The following NALCN variants were observed in gnomAD, a reference collection of about 807,000 sequenced individuals.
The protein encoded by NALCN is sodium leak channel NALCN.
A neutral mutation model predicts 225.3 loss-of-function variants in NALCN; 111 were observed. The ratio of observed to expected loss-of-function variants is 0.49; its 90% confidence interval spans 0.42 to 0.58. The LOEUF is 0.58. NALCN is among the 20% of genes least tolerant of loss of function. NALCN has a pLI of 0.00. For synonymous variants in NALCN, 764 were observed against 769.0 expected, an observed-to-expected ratio of 0.99 and a Z score of 0.11; for missense variants, 1,378 against 2,202.4, an observed-to-expected ratio of 0.63 and a Z score of 7.49.
chr13:101,371,221 A>G (rs879362272), intron 6 of NALCN, among the ~76,000 whole-genome samples: 1 of 152,190 alleles, frequency 6.6e-6, no homozygotes, highest in Admixed American at 6.5e-5. Context: ...ATTCATGTGT[A>G]AATCTTTCTA....
intron 11 of NALCN, 146 bp from the exon 12 acceptor site, chr13:101,238,068 G>A: frequency 4.9e-6 from 3 of 613,404 alleles, no homozygotes; most frequent in Non-Finnish European, 5.5e-6. Flanking sequence ...TTTACTTTAA[G>A]AATGCATTTG....
rs973529191 is a variant in NALCN at position 101,319,364 on chromosome 13, T to C, written c.799+25902A>G. 2.6e-5 allele frequency among the ~76,000 whole-genome samples: 4 copies of C among 152,158 alleles called. No homozygotes were observed. The East Asian group carries it at 5.8e-4, about 22-fold the overall frequency. ...CTTCATCCTGTGCCAAACCTACTGA[T>C]AGTGGAAGCACTGATTTGACTCAAC... is the stretch of plus-strand genomic sequence containing the variant. On this transcript the variant is annotated intron_variant, in intron 7 of 43. Transcript: ENST00000251127.
At chr13:101,160,565 T>C (rs2038131061) in intron 15 of NALCN, among the ~76,000 whole-genome samples, 1 of 152,228 alleles carries the variant, frequency 6.6e-6, no homozygotes, top group African/African-American at 2.4e-5. Context: ...ACTGTTAAAT[T>C]ACAGTGGCAT....
rs192089381 is a variant in NALCN at position 101,077,616 on chromosome 13, T to C, written c.3886-1675A>G. Among the ~76,000 whole-genome samples, 88 of 152,302 alleles carry C rather than the reference T, an allele frequency of 5.8e-4. 1 individual carries two copies. The highest frequency in any genetic ancestry group is 2.4e-3 in the Admixed American group (36 of 15,288). On this transcript the variant is annotated intron_variant, in intron 34 of 43. Transcript: ENST00000251127. ...TGAATTTAAGAGAGATGATTTAGGGTATCTGGTAGAATAAATTTCTAAGTG... is the reference window on the plus strand; with the variant it reads ...TGAATTTAAGAGAGATGATTTAGGGCATCTGGTAGAATAAATTTCTAAGTG...
intron 3 of NALCN, among the ~76,000 whole-genome samples, chr13:101,384,111 A>T (rs2046922358): frequency 6.6e-6 from 1 of 152,266 alleles, no homozygotes; most frequent in East Asian, 1.9e-4. Flanking sequence ...GCATGGCCAG[A>T]TCCTTTAAAA....
chr13:101,234,078 A>C (rs557456220), intron 12 of NALCN, among the ~76,000 whole-genome samples: 2 of 152,264 alleles, frequency 1.3e-5, no homozygotes, highest in African/African-American at 4.8e-5. Context: ...CTCTTCAGAG[A>C]GGGCTTCTAT....
intron 1 of NALCN, among the ~76,000 whole-genome samples, chr13:101,405,435 C>T (rs1237812539): frequency 6.6e-6 from 1 of 152,182 alleles, no homozygotes; most frequent in East Asian, 1.9e-4. Flanking sequence ...CCCACTCTGC[C>T]GTCCTCCAAT....
Position 101,112,317 on chromosome 13 carries a change from G to T in NALCN, c.2193-1091C>A, listed in dbSNP as rs548339457. Among the ~76,000 whole-genome samples, 7 of 152,148 alleles carry T rather than the reference G, an allele frequency of 4.6e-5. No homozygotes were observed. In the South Asian group the frequency reaches 1.5e-3, roughly 32 times the overall value. On this transcript the variant is annotated intron_variant, in intron 18 of 43. Coordinates refer to ENST00000251127, the MANE Select transcript of NALCN (RefSeq NM_052867.4). ...AAACCACGAAGACTTTTAAAAACAT[G>T]TTCTTTTTGGACAATAACTGGACTT... is the stretch of plus-strand genomic sequence containing the variant.
At chr13:101,289,958 C>T (rs984988275) in intron 9 of NALCN, among the ~76,000 whole-genome samples, 2 of 152,158 alleles carry the variant, frequency 1.3e-5, no homozygotes, top group African/African-American at 4.8e-5. Flanking sequence ...GCTAGGCTGC[C>T]TGAGTGGTGT....
At chr13:101,376,580 C>G (rs1453624499) in intron 6 of NALCN, 120 bp downstream of exon 6, 6 of 913,414 alleles carry the variant, frequency 6.6e-6, no homozygotes, top group Non-Finnish European at 9.5e-6. Context: ...AGCAGAGACA[C>G]AGAACAAAGA....
At position 101,281,705 on chromosome 13, in the gene NALCN, G is replaced by C. The variant is rs144210127; in HGVS notation, c.1134+2228C>G. Among the ~76,000 whole-genome samples, 967 of 151,970 alleles carry C rather than the reference G, an allele frequency of 6.4e-3. 19 individuals carry two copies. Among genetic ancestry groups the C allele is most frequent in the East Asian group, 0.051 (263 of 5,162 alleles). ...ATGAAAAGGCAGTCTATGGAACAGG[G>C]GAAAATTGGAACACCATATTTCTGA... On this transcript the variant is annotated intron_variant, in intron 10 of 43. Transcript: ENST00000251127.
At chr13:101,359,091 CAT>C (rs1339007123) in intron 6 of NALCN, among the ~76,000 whole-genome samples, 2 of 152,104 alleles carry the variant, frequency 1.3e-5, no homozygotes, top group African/African-American at 4.8e-5. Flanking sequence ...GGGCTGAAAA[CAT>C]AGATGATGGG....
chr13:101,400,156 AAAC>A (rs960519921), intron 1 of NALCN, among the ~76,000 whole-genome samples: 4 of 150,378 alleles, frequency 2.7e-5, no homozygotes, highest in African/African-American at 1.0e-4. Flanking sequence ...AACCAAAAAA[AAAC>A]AAAAAACAAA....
intron 10 of NALCN, among the ~76,000 whole-genome samples, chr13:101,283,578 C>G (rs1342295191): frequency 6.6e-6 from 1 of 152,056 alleles, no homozygotes; most frequent in Non-Finnish European, 1.5e-5. Flanking sequence ...CATATTTTTC[C>G]CAGTTACTCG....
intron 13 of NALCN, among the ~76,000 whole-genome samples, chr13:101,206,419 A>T (rs2040313395): frequency 6.6e-6 from 1 of 152,020 alleles, no homozygotes; most frequent in Admixed American, 6.6e-5. Flanking sequence ...TTATGAATAA[A>T]CACTTAATTG....
chr13:101,324,214 C>T (rs780833264), intron 7 of NALCN, among the ~76,000 whole-genome samples: 3 of 152,132 alleles, frequency 2.0e-5, no homozygotes, highest in South Asian at 2.1e-4. Flanking sequence ...TCTCAACTGG[C>T]TTGTAGAAGA....
intron 41 of NALCN, among the ~76,000 whole-genome samples, 174 bp from the exon 42 acceptor site, chr13:101,060,141 G>A (rs1219946923): frequency 6.6e-6 from 1 of 151,922 alleles, no homozygotes; most frequent in Non-Finnish European, 1.5e-5. Context: ...AAGGTAGGCT[G>A]ATGCAAAGGT....
Position 101,337,277 on chromosome 13 carries a change from ATTATTTATTTATTTAT to A in NALCN, c.799+7973_799+7988del, listed in dbSNP as rs3062886. ...TCACATTCCTTCACATTTACTCTTT[ATTATTTATTTATTTAT>A]TTATTTATTTATTTATTTATTTATT... On this transcript the variant is annotated intron_variant, in intron 7 of 43. Coordinates refer to ENST00000251127, the MANE Select transcript of NALCN (RefSeq NM_052867.4). 4.2e-3 allele frequency among the ~76,000 whole-genome samples: 603 copies of A among 142,612 alleles called. 7 individuals carry two copies. The highest frequency in any genetic ancestry group is 0.014 in the African/African-American group (545 of 38,130). 93.6% of individuals were successfully genotyped at this position (142,612 alleles called of 152,430 possible). A position where few individuals can be genotyped will look rare whatever the true frequency, so the allele number is the denominator to read the frequency against.
At chr13:101,150,601 A>G (rs1743885516) in intron 15 of NALCN, among the ~76,000 whole-genome samples, 1 of 152,156 alleles carries the variant, frequency 6.6e-6, no homozygotes. Flanking sequence ...ATTACATGTT[A>G]TTTTGAAGCC....
Sources: allele counts gnomAD v4.1 joint callset (sites outside exome capture counted in the v4.1 genomes callset), GRCh38; gene constraint gnomAD v4.1.1; transcripts MANE v1.5; gene names NCBI Gene and HGNC (gene_info 2026-07-23, HGNC 2026-07-21).